Variants in SYTL3 observed in about 807,000 individuals in gnomAD.
SYTL3 encodes synaptotagmin-like protein 3.
Under a neutral mutation model 82.1 loss-of-function variants are expected in SYTL3, and 88 were observed. The observed-to-expected ratio is 1.07, with a 90% confidence interval of 0.90 to 1.28. The LOEUF is 1.28. Among genes scored for constraint, SYTL3 ranks in the 50% most tolerant of loss-of-function variants. SYTL3 has a pLI of 0.00. For missense variants in SYTL3, 831 were observed against 757.6 expected (o/e 1.10, Z -1.14); for synonymous variants, 311 against 289.4 (o/e 1.07, Z -0.76).
At position 158,760,708 on chromosome 6, in the gene SYTL3, C is replaced by T. The variant is rs117895837; in HGVS notation, c.1377C>T (p.Leu459=). Residue 459 remains leucine (L), a synonymous_variant, in exon 15 of 18, where the codon CTC becomes CTT. Transcript: ENST00000611299. ...GELTVRAKLV[L]PSRPRKLQEA... ...TCACAGTCCGGGCTAAGCTGGTTCT[C>T]CCTTCACGGCCCAGAAAACTCCAAG... 8,009 of 1,614,144 alleles carry T rather than the reference C, an allele frequency of 5.0e-3. 26 individuals are homozygous for T. Among genetic ancestry groups the T allele is most frequent in the Non-Finnish European group, 6.0e-3 (7,107 of 1,179,986 alleles).
chr6:158,758,436 CAAAAA>C (rs560146235), intron 14 of SYTL3, among the ~76,000 whole-genome samples: 1 of 127,112 alleles, frequency 7.9e-6, no homozygotes. Context: ...GACTCTGTCT[CAAAAA>C]AAAAAAAAAA....
At chr6:158,657,425 CAAAAA>C (rs535361947) in intron 2 of SYTL3, among the ~76,000 whole-genome samples, 2 of 80,114 alleles carry the variant, frequency 2.5e-5, no homozygotes, top group African/African-American at 1.0e-4. Context: ...GACTCTGGCT[CAAAAA>C]AAAAAAAAAA....
intron 11 of SYTL3, among the ~76,000 whole-genome samples, chr6:158,735,356 T>C (rs1432629677): frequency 1.3e-5 from 2 of 152,202 alleles, no homozygotes; most frequent in Non-Finnish European, 2.9e-5. Flanking sequence ...AATTTTATAA[T>C]TATTAACTAT....
chr6:158,693,956 T>C (rs1780286323), intron 6 of SYTL3, among the ~76,000 whole-genome samples: 1 of 150,034 alleles, frequency 6.7e-6, no homozygotes, highest in Non-Finnish European at 1.5e-5. Context: ...GCCTCCCAAA[T>C]TGCTAAGACT....
intron 11 of SYTL3, among the ~76,000 whole-genome samples, chr6:158,729,548 GTACTT>G (rs937418772): frequency 1.3e-5 from 2 of 150,116 alleles, no homozygotes; most frequent in African/African-American, 4.9e-5. Context: ...CAAGTGTACT[GTACTT>G]TACTTTCTTT....
chr6:158,666,497 G>C (rs980296173), intron 5 of SYTL3, among the ~76,000 whole-genome samples: 1 of 152,200 alleles, frequency 6.6e-6, no homozygotes, highest in Non-Finnish European at 1.5e-5. Flanking sequence ...CATGAGCTCC[G>C]TGAAAACACT....
intron 6 of SYTL3, among the ~76,000 whole-genome samples, chr6:158,686,528 G>A (rs1221885377): frequency 2.0e-5 from 3 of 152,104 alleles, no homozygotes; most frequent in Non-Finnish European, 4.4e-5. Context: ...GTTTGCAGCG[G>A]GTGCGTCAGG....
upstream of SYTL3, among the ~76,000 whole-genome samples, chr6:158,649,294 C>T (rs1276998269): frequency 2.0e-5 from 3 of 152,252 alleles, no homozygotes; most frequent in African/African-American, 4.8e-5. Context: ...GCCACTCACA[C>T]TCCATGACCA....
intron 6 of SYTL3, among the ~76,000 whole-genome samples, chr6:158,693,263 C>T (rs1259326223): frequency 6.6e-6 from 1 of 152,208 alleles, no homozygotes; most frequent in African/African-American, 2.4e-5. Flanking sequence ...TGTCACCTAA[C>T]CTGGAGCACA....
intron 6 of SYTL3, among the ~76,000 whole-genome samples, chr6:158,701,208 T>TA (rs1781197556): frequency 9.6e-6 from 1 of 104,114 alleles, no homozygotes; most frequent in African/African-American, 4.5e-5. Flanking sequence ...GAGTGTGAGC[T>TA]GGGGTGTAGA....
intron 12 of SYTL3, among the ~76,000 whole-genome samples, chr6:158,747,461 C>T (rs897038441): frequency 1.3e-5 from 2 of 151,856 alleles, no homozygotes; most frequent in Non-Finnish European, 2.9e-5. Flanking sequence ...TCCTAGTAGG[C>T]TCAAGGAATC....
At chr6:158,663,905 T>G (rs973813994) in intron 4 of SYTL3, among the ~76,000 whole-genome samples, 2 of 152,164 alleles carry the variant, frequency 1.3e-5, no homozygotes, top group African/African-American at 4.8e-5. Flanking sequence ...ATGAACCTGC[T>G]TAGCCTGTTT....
intron 4 of SYTL3, 106 bp from the exon 5 acceptor site, chr6:158,665,289 C>G: frequency 1.9e-6 from 2 of 1,059,386 alleles, no homozygotes; most frequent in Non-Finnish European, 2.8e-6. Context: ...TGTCGAATGC[C>G]AAAGCCCCTT....
chr6:158,727,068 T>G (rs927912590), intron 11 of SYTL3, among the ~76,000 whole-genome samples: 1 of 152,082 alleles, frequency 6.6e-6, no homozygotes, highest in African/African-American at 2.4e-5. Context: ...GCCAGGATGG[T>G]CTCGATCTCC....
intron 2 of SYTL3, among the ~76,000 whole-genome samples, chr6:158,660,758 A>G (rs956614174): frequency 6.6e-6 from 1 of 152,194 alleles, no homozygotes; most frequent in African/African-American, 2.4e-5. Context: ...AGCCAGGTGC[A>G]AAAACTCTTC....
At chr6:158,710,984 A>G (rs1782703917) in intron 8 of SYTL3, among the ~76,000 whole-genome samples, 2 of 151,944 alleles carry the variant, frequency 1.3e-5, no homozygotes, top group South Asian at 4.1e-4. Context: ...GGGTTTCACT[A>G]TTGGCCAGGC....
chr6:158,672,971 A>C (rs904761518), intron 5 of SYTL3, among the ~76,000 whole-genome samples: 12 of 151,602 alleles, frequency 7.9e-5, no homozygotes, highest in Non-Finnish European at 1.6e-4. Flanking sequence ...TCACTCCGTC[A>C]CCCAGGCTAG....
chr6:158,698,958 C>T (rs1007955963), intron 6 of SYTL3, among the ~76,000 whole-genome samples: 7 of 152,178 alleles, frequency 4.6e-5, no homozygotes, highest in South Asian at 4.1e-4. Context: ...ACTCCACAGG[C>T]ACCAGCAGAG....
At chr6:158,685,790 C>G (rs1222128270) in intron 6 of SYTL3, among the ~76,000 whole-genome samples, 1 of 152,132 alleles carries the variant, frequency 6.6e-6, no homozygotes, top group African/African-American at 2.4e-5. Flanking sequence ...GGCACTCCAG[C>G]CTGGGCAACA....
Sources: gnomAD v4.1 joint callset for allele counts (sites outside exome capture counted in the v4.1 genomes callset) on GRCh38, gnomAD v4.1.1 for gene constraint, MANE v1.5 for transcripts, NCBI Gene and HGNC (gene_info 2026-07-23, HGNC 2026-07-21) for gene names.